The following CLIP4 variants were observed in gnomAD, a reference collection of about 807,000 sequenced individuals.
CLIP4 encodes CAP-Gly domain-containing linker protein 4.
CLIP4 carries 47 observed loss-of-function variants against 73.1 expected under a neutral mutation model. The observed-to-expected ratio is 0.64, with a 90% CI of 0.51 to 0.82. The LOEUF is 0.82. Among genes scored for constraint, CLIP4 ranks in the 40% least tolerant of loss-of-function variants. CLIP4 has a pLI of 0.00. For synonymous variants in CLIP4, 306 were observed against 295.4 expected, an observed-to-expected ratio of 1.04 and a Z score of -0.37; for missense variants, 874 against 852.9, an observed-to-expected ratio of 1.02 and a Z score of -0.31.
Position 29,132,157 on chromosome 2 carries a change from T to C in CLIP4, c.279T>C (p.Leu93=), listed in dbSNP as rs751088392. The part of the protein sequence containing the change: ...QNIDIIGNEI[L]KRGCNVNDRD... Reference sequence around the variant, plus strand: ...ATTTTCCTTGACTGCTTCAGATTCTTAAGAGAGGTTGCAATGTGAATGATA... The same window carrying C: ...ATTTTCCTTGACTGCTTCAGATTCTCAAGAGAGGTTGCAATGTGAATGATA... Residue 93 remains leucine, a synonymous_variant, in exon 4 of 16, where the codon CTT becomes CTC. Coordinates refer to ENST00000320081, the MANE Select transcript of CLIP4 (RefSeq NM_024692.6). 9 of 1,613,080 alleles carry C rather than the reference T, an allele frequency of 5.6e-6. No homozygotes were observed. In the South Asian group the frequency reaches 9.9e-5, roughly 18 times the overall value.
chr2:29,161,586 C>T (rs1364010103), intron 12 of CLIP4, among the ~76,000 whole-genome samples: 2 of 152,144 alleles, frequency 1.3e-5, no homozygotes, highest in African/African-American at 4.8e-5. Context: ...CACTCTAGTA[C>T]TCACAGTCAT....
Position 29,181,560 on chromosome 2 carries a change from C to A in CLIP4, c.1797-12C>A. The A allele has an allele frequency of 6.6e-7, 1 of 1,526,290 alleles. No homozygotes were observed. Among genetic ancestry groups the A allele is most frequent in the Non-Finnish European group, 8.8e-7 (1 of 1,134,116 alleles). 94.5% of individuals were successfully genotyped at this position (1,526,290 alleles called of 1,614,324 possible). On this transcript the variant is annotated splice_polypyrimidine_tract_variant and intron_variant, in intron 15 of 15. Transcript: ENST00000320081. ...CACTAAATAATTTTTCCCACTTTTC[C>A]CTTCCGCACAGATCGAAAGCTGCTT...
At chr2:29,119,652 C>T (rs529821776) in intron 1 of CLIP4, among the ~76,000 whole-genome samples, 3 of 152,292 alleles carry the variant, frequency 2.0e-5, no homozygotes, top group African/African-American at 7.2e-5. Flanking sequence ...GGTATTTGCT[C>T]CTCAGTACAG....
At chr2:29,128,492 A>G (rs1407380812) in intron 2 of CLIP4, among the ~76,000 whole-genome samples, 1 of 152,090 alleles carries the variant, frequency 6.6e-6, no homozygotes, top group African/African-American at 2.4e-5. Context: ...GAGAAACTTA[A>G]TCAAAGACAG....
intron 12 of CLIP4, among the ~76,000 whole-genome samples, chr2:29,162,809 C>A (rs2148060469): frequency 6.6e-6 from 1 of 152,210 alleles, no homozygotes; most frequent in East Asian, 1.9e-4. Flanking sequence ...CAGGTATCAT[C>A]TTTTTATACA....
chr2:29,121,260 C>T (rs1439106619), intron 1 of CLIP4, 114 bp from the exon 2 acceptor site: 10 of 1,056,986 alleles, frequency 9.5e-6, no homozygotes, highest in Middle Eastern at 3.2e-4. Flanking sequence ...AAGATCCTTA[C>T]TGAAAATGTC....
chr2:29,107,288 T>A (rs115049126), intron 1 of CLIP4, among the ~76,000 whole-genome samples: 3,514 of 151,770 alleles, frequency 0.023, 115 homozygotes, highest in East Asian at 0.09. Flanking sequence ...CGCCTCAGAT[T>A]TTCCTGTGTG....
In CLIP4 at chr2:29,132,233, G is replaced by A. The variant is rs762090158; in HGVS notation, c.355G>A (p.Ala119Thr). Residue 119 changes from alanine to threonine, a missense_variant, in exon 4 of 16, where the codon GCT (alanine) becomes ACT (threonine). Transcript: ENST00000320081. ...TTTACATTATACCTGCAAATCTGGA[G>A]CTCATGGTATTGGTAAGTGTGTGGT... ...TLLHYTCKSG[A>T]HGIGDVETAV... 8 of 1,612,830 alleles carry A rather than the reference G, an allele frequency of 5.0e-6. No homozygotes were observed. Among genetic ancestry groups the A allele is most frequent in the Non-Finnish European group, 5.9e-6 (7 of 1,179,104 alleles).
chr2:29,144,044 G>T (rs1275659364), intron 7 of CLIP4, 99 bp downstream of exon 7: 1 of 896,624 alleles, frequency 1.1e-6, no homozygotes, highest in East Asian at 2.4e-5. Context: ...TTTGAAAAAG[G>T]TTCAACATGT....
intron 6 of CLIP4, 114 bp from the exon 7 acceptor site, chr2:29,143,595 T>C (rs957211754): frequency 5.4e-6 from 4 of 747,130 alleles, no homozygotes; most frequent in Non-Finnish European, 9.2e-6. Context: ...GAAATGTTTT[T>C]GAATAAACAA....
intron 14 of CLIP4, among the ~76,000 whole-genome samples, chr2:29,171,709 G>A (rs377079410): frequency 5.9e-5 from 9 of 151,812 alleles, no homozygotes; most frequent in Non-Finnish European, 8.8e-5. Context: ...TAGTAGAGAC[G>A]GGTTTTCACT....
intron 2 of CLIP4, among the ~76,000 whole-genome samples, chr2:29,121,932 A>G (rs1664276354): frequency 6.6e-6 from 1 of 152,180 alleles, no homozygotes; most frequent in African/African-American, 2.4e-5. Context: ...TTAATGTTTA[A>G]ATTGGTCCAT....
chr2:29,107,358 G>GTTTTTTTTTGTT (rs1558504865), intron 1 of CLIP4, among the ~76,000 whole-genome samples: 4 of 65,360 alleles, frequency 6.1e-5, no homozygotes, highest in East Asian at 6.0e-4. Context: ...GAACATGATA[G>GTTTTTTTTTGTT]TTTTTTTTTT....
chr2:29,149,961 A>G lies in CLIP4; in HGVS notation c.1022-2724A>G, dbSNP rs191584266. On this transcript the variant is annotated intron_variant, in intron 8 of 15. Transcript: ENST00000320081. ...CAGCCAAAGTTGCCTTCATATTGAT[A>G]AAAATACCTTATTCACTTATAATCA... 1.9e-4 allele frequency among the ~76,000 whole-genome samples: 29 copies of G among 152,354 alleles called. No homozygotes were observed. In the East Asian group the frequency reaches 5.4e-3, roughly 28 times the overall value.
At chr2:29,169,156 G>A (rs1667833700) in intron 14 of CLIP4, among the ~76,000 whole-genome samples, 1 of 152,200 alleles carries the variant, frequency 6.6e-6, no homozygotes, top group South Asian at 2.1e-4. Flanking sequence ...TAGGGATGCT[G>A]TGACAAAGTA....
intron 14 of CLIP4, among the ~76,000 whole-genome samples, chr2:29,171,172 T>C (rs998635739): frequency 9.2e-5 from 14 of 152,236 alleles, no homozygotes; most frequent in African/African-American, 3.1e-4. Flanking sequence ...GCATTGACTA[T>C]ATAGATCAAG....
intron 15 of CLIP4, chr2:29,174,681 G>A: frequency 8.5e-7 from 1 of 1,169,600 alleles, no homozygotes; most frequent in Admixed American, 4.5e-5. Context: ...CTTCATAGAG[G>A]TCAGAACTGT....
chr2:29,104,638 T>A (rs1317146698), intron 1 of CLIP4, among the ~76,000 whole-genome samples: 1 of 152,146 alleles, frequency 6.6e-6, no homozygotes. Flanking sequence ...AGCTCATGCT[T>A]GGGAGTGGCC....
intron 14 of CLIP4, 42 bp from the exon 15 acceptor site, chr2:29,174,331 A>G (rs1182506613): frequency 1.4e-6 from 2 of 1,452,586 alleles, no homozygotes; most frequent in Admixed American, 3.8e-5. Flanking sequence ...AAGGACTGAA[A>G]GCTTATATTT....
Sources: gnomAD v4.1 joint callset for allele counts (sites outside exome capture counted in the v4.1 genomes callset) on GRCh38, gnomAD v4.1.1 for gene constraint, MANE v1.5 for transcripts, NCBI Gene and HGNC (gene_info 2026-07-23, HGNC 2026-07-21) for gene names.